The following BTBD2 variants were observed in gnomAD, a reference collection of about 807,000 sequenced individuals.
BTBD2 encodes BTB domain containing 2.
Under a neutral mutation model 44.0 loss-of-function variants are expected in BTBD2, and 15 were observed. The ratio of observed to expected loss-of-function variants is 0.34; its 90% CI spans 0.23 to 0.53. BTBD2 has a LOEUF of 0.53. Among genes scored for constraint, BTBD2 ranks in the 20% least tolerant of loss-of-function variants. The probability of loss-of-function intolerance (pLI) is 0.95; values close to 1 mark genes in which losing one functional copy is unlikely to be tolerated. For synonymous variants in BTBD2, 443 were observed against 335.9 expected, an observed-to-expected ratio of 1.32 and a Z score of -3.49; for missense variants, 657 against 746.4, an observed-to-expected ratio of 0.88 and a Z score of 1.39.
At chr19:2,011,076 TG>T (rs1395018791) in intron 1 of BTBD2, among the ~76,000 whole-genome samples, 30 of 152,074 alleles carry the variant, frequency 2.0e-4, no homozygotes, top group Non-Finnish European at 2.6e-4. Flanking sequence ...ACAGAGCACT[TG>T]GGACACACTG....
At chr19:1,994,254 T>G (rs2016221323) in intron 2 of BTBD2, among the ~76,000 whole-genome samples, 1 of 151,496 alleles carries the variant, frequency 6.6e-6, no homozygotes, top group Admixed American at 6.6e-5. Flanking sequence ...AGGCGGAGGT[T>G]GCAGTGAGCC....
At chr19:1,999,833 G>A (rs1005401770) in intron 1 of BTBD2, among the ~76,000 whole-genome samples, 7 of 151,942 alleles carry the variant, frequency 4.6e-5, no homozygotes, top group Admixed American at 6.6e-5. Flanking sequence ...GTGGTGGTGG[G>A]TGCCTGTAAT....
intron 1 of BTBD2, among the ~76,000 whole-genome samples, chr19:2,009,090 C>G (rs1272834725): frequency 6.6e-6 from 1 of 151,696 alleles, no homozygotes; most frequent in Non-Finnish European, 1.5e-5. Flanking sequence ...ACAATCCTGG[C>G]TCACTGCAAC....
intron 4 of BTBD2, 168 bp from the exon 5 acceptor site, chr19:1,990,369 A>C: frequency 2.8e-6 from 2 of 709,398 alleles, no homozygotes; most frequent in Admixed American, 2.6e-5. Context: ...TTATCAACAC[A>C]AGACCACGCC....
chr19:1,998,582 T>G (rs1354754636), intron 1 of BTBD2, among the ~76,000 whole-genome samples: 1 of 152,044 alleles, frequency 6.6e-6, no homozygotes, highest in African/African-American at 2.4e-5. Flanking sequence ...GAGGGTGCGG[T>G]GAGCAGAGAA....
intron 1 of BTBD2, among the ~76,000 whole-genome samples, chr19:1,999,408 C>T (rs1043487494): frequency 6.6e-5 from 10 of 152,210 alleles, no homozygotes; most frequent in East Asian, 1.9e-4. Context: ...GGCCCACACC[C>T]GTCATCCCAG....
intron 6 of BTBD2, 113 bp from the exon 7 acceptor site, chr19:1,987,366 C>T: frequency 1.4e-6 from 2 of 1,423,418 alleles, no homozygotes; most frequent in Non-Finnish European, 9.4e-7. Flanking sequence ...GTCCTCCACC[C>T]CCATGCCCGG....
At chr19:1,989,856 C>T (rs1382469418) in intron 5 of BTBD2, 148 bp downstream of exon 5, 3 of 926,704 alleles carry the variant, frequency 3.2e-6, no homozygotes, top group South Asian at 3.3e-5. Context: ...TGGACGCGTC[C>T]TCACAAGCCA....
In BTBD2 at chr19:1,987,580, C is replaced by T. The variant is rs202045239; in HGVS notation, c.1101G>A (p.Leu367=). 2.5e-6 allele frequency: 4 copies of T among 1,612,644 alleles called. No homozygotes were observed. Among genetic ancestry groups the T allele is most frequent in the East Asian group, 4.5e-5 (2 of 44,868 alleles). The change falls in exon 6 of 9, where the codon CTG becomes CTA. Residue 367 remains leucine, a synonymous_variant. Coordinates refer to ENST00000255608, the MANE Select transcript of BTBD2 (RefSeq NM_017797.4). ...VEFIDRPRCC[L]RGKECSINRF... ...GGTTGATGCTGCACTCCTTCCCACG[C>T]AGGCAGCAGCGGGGCCGGTCAATGA...
At position 1,990,152 on chromosome 19, in the gene BTBD2, C is replaced by T. The variant is rs1367813778; in HGVS notation, c.840G>A (p.Val280=). 8.7e-6 allele frequency: 14 copies of T among 1,611,062 alleles called. No individual in the cohort carries two copies. The highest frequency in any genetic ancestry group is 1.2e-5 in the Non-Finnish European group (14 of 1,179,236). The change falls in exon 5 of 9, where the codon GTG becomes GTA. Residue 280 remains valine (V), a synonymous_variant. Coordinates refer to ENST00000255608, the MANE Select transcript of BTBD2 (RefSeq NM_017797.4). ...AGCGGACAACGGCATTGAACAGCCGCACCTCACGGATGCCCAGTGTGTCGC... is the reference window on the plus strand; with the variant it reads ...AGCGGACAACGGCATTGAACAGCCGTACCTCACGGATGCCCAGTGTGTCGC... ...LERDTLGIRE[V]RLFNAVVRWS...
intron 1 of BTBD2, among the ~76,000 whole-genome samples, chr19:2,013,304 G>A (rs35174257): frequency 0.12 from 17,972 of 152,236 alleles, 1,263 homozygotes; most frequent in Non-Finnish European, 0.16. Flanking sequence ...GGACCGGGGA[G>A]TGGAGGGAAC....
chr19:1,986,358 G>A lies in BTBD2; in HGVS notation c.*130C>T, dbSNP rs1331687346. The A allele has an allele frequency of 1.6e-5, 18 of 1,134,632 alleles. No homozygotes were observed. The highest frequency in any genetic ancestry group is 3.9e-5 in the Admixed American group (2 of 51,566). 70.3% of individuals were successfully genotyped at this position (1,134,632 alleles called of 1,614,324 possible). Reference sequence around the variant, plus strand: ...CCCCGTCCTGATGCTGAGAAAGGTGGCATGGAGTGGACAGACGGCCTGGGG... The same window carrying A: ...CCCCGTCCTGATGCTGAGAAAGGTGACATGGAGTGGACAGACGGCCTGGGG... On this transcript the variant is annotated 3_prime_UTR_variant, in exon 9 of 9. Transcript: ENST00000255608.
intron 2 of BTBD2, 125 bp downstream of exon 2, chr19:1,997,219 A>C: frequency 7.0e-7 from 1 of 1,425,524 alleles, no homozygotes; most frequent in South Asian, 1.3e-5. Context: ...CCCTCATTGC[A>C]CAGGAACGTT....
chr19:1,995,406 T>TG (rs1568217300), intron 2 of BTBD2, among the ~76,000 whole-genome samples: 1 of 142,674 alleles, frequency 7.0e-6, no homozygotes, highest in Non-Finnish European at 1.5e-5. Flanking sequence ...CTCAGCCTCC[T>TG]GAGTAGCTGG....
At chr19:1,992,858 A>C (rs992216178) in intron 3 of BTBD2, among the ~76,000 whole-genome samples, 162 bp downstream of exon 3, 3 of 152,052 alleles carry the variant, frequency 2.0e-5, no homozygotes, top group South Asian at 2.1e-4. Flanking sequence ...AGGCGTGAGC[A>C]ACCACGCCCG....
At position 1,990,151 on chromosome 19, in the gene BTBD2, G is replaced by A. The variant is rs766935152; in HGVS notation, c.841C>T (p.Arg281Trp). ...ERDTLGIREVRLFNAVVRWSE... is the reference protein window; with the variant it reads ...ERDTLGIREVWLFNAVVRWSE... ...CAGCGGACAACGGCATTGAACAGCC[G>A]CACCTCACGGATGCCCAGTGTGTCG... The change falls in exon 5 of 9, where the codon CGG becomes TGG. Residue 281 changes from arginine (R) to tryptophan (W), a missense_variant. Arg to Trp is a moderately radical substitution (Grantham distance 101, BLOSUM62 -3). Transcript: ENST00000255608. 1.2e-5 allele frequency: 20 copies of A among 1,610,648 alleles called. No homozygotes were observed. Among genetic ancestry groups the A allele is most frequent in the African/African-American group, 1.2e-4 (9 of 74,886 alleles).
intron 2 of BTBD2, among the ~76,000 whole-genome samples, chr19:1,996,827 A>T (rs1056212526): frequency 1.8e-4 from 27 of 152,208 alleles, no homozygotes; most frequent in African/African-American, 6.5e-4. Context: ...AGCTGAGATC[A>T]CACCACTGCA....
rs1050160211 is a variant in BTBD2 at position 2,000,671 on chromosome 19, C to T, written c.408-3208G>A. On this transcript the variant is annotated intron_variant, in intron 1 of 8. Transcript: ENST00000255608. The stretch of plus-strand genomic sequence containing the variant: ...CCAGCCCCACTCCCGGCTGTTCCCC[C>T]CTTCATGTATCTGTAACCCCTTCCC... Among the ~76,000 whole-genome samples, 5 of 152,178 alleles carry T rather than the reference C, an allele frequency of 3.3e-5. No individual in the cohort carries two copies. The South Asian group carries it at 6.2e-4, about 19-fold the overall frequency.
At chr19:1,997,521 A>AG in intron 1 of BTBD2, 58 bp from the exon 2 acceptor site, 1 of 1,605,626 alleles carries the variant, frequency 6.2e-7, no homozygotes, top group South Asian at 1.1e-5. Context: ...CACGGCCGGG[A>AG]GGGCCAGCCC....
Sources: allele counts gnomAD v4.1 joint callset (sites outside exome capture counted in the v4.1 genomes callset), GRCh38; gene constraint gnomAD v4.1.1; transcripts MANE v1.5; gene names NCBI Gene and HGNC (gene_info 2026-07-23, HGNC 2026-07-21).